Variants in EIPR1 observed in about 807,000 individuals in gnomAD.
EIPR1 encodes the protein EARP complex and GARP complex interacting protein 1.
EIPR1 carries 25 observed loss-of-function variants against 48.1 expected under a neutral mutation model. The observed-to-expected ratio is 0.52, with a 90% confidence interval of 0.38 to 0.73. EIPR1 has a LOEUF of 0.73. Ranked by LOEUF, EIPR1 falls within the 30% of genes least tolerant of loss-of-function variation. The probability of loss-of-function intolerance (pLI) is 0.00; values close to 1 mark genes in which losing one functional copy is unlikely to be tolerated. For synonymous variants in EIPR1, 204 were observed against 201.9 expected (o/e 1.01, Z -0.09); for missense variants, 415 against 506.2 (o/e 0.82, Z 1.73).
At chr2:3,340,231 G>A (rs1047248248) in intron 2 of EIPR1, among the ~76,000 whole-genome samples, 1 of 152,188 alleles carries the variant, frequency 6.6e-6, no homozygotes, top group East Asian at 1.9e-4. Context: ...GCTCAGAGTG[G>A]AATTCATACC....
intron 4 of EIPR1, among the ~76,000 whole-genome samples, chr2:3,232,710 C>T (rs1666280352): frequency 6.6e-6 from 1 of 152,104 alleles, no homozygotes; most frequent in Admixed American, 6.6e-5. Context: ...GAGCCGGTTC[C>T]CCCATGTTGA....
At chr2:3,330,774 C>T (rs996073953) in intron 3 of EIPR1, among the ~76,000 whole-genome samples, 1 of 150,944 alleles carries the variant, frequency 6.6e-6, no homozygotes, top group South Asian at 2.1e-4. Flanking sequence ...TGAGCAGAGG[C>T]AAGCGCATGT....
intron 2 of EIPR1, among the ~76,000 whole-genome samples, chr2:3,348,166 G>A (rs1484513709): frequency 1.3e-5 from 2 of 152,140 alleles, no homozygotes; most frequent in African/African-American, 2.4e-5. Context: ...GCAGAACCGC[G>A]CAGCTTAGCT....
At chr2:3,233,535 C>A (rs1666307335) in intron 4 of EIPR1, among the ~76,000 whole-genome samples, 1 of 152,198 alleles carries the variant, frequency 6.6e-6, no homozygotes, top group South Asian at 2.1e-4. Context: ...TGGATCCCAG[C>A]CGTAACTGTG....
intron 3 of EIPR1, among the ~76,000 whole-genome samples, chr2:3,305,067 T>C (rs1377177078): frequency 3.2e-5 from 4 of 126,854 alleles, no homozygotes; most frequent in African/African-American, 1.3e-4. Context: ...AACCCTCCAC[T>C]CCCGTCCAGT....
chr2:3,371,943 C>A (rs1409858195), intron 1 of EIPR1, among the ~76,000 whole-genome samples: 7 of 152,142 alleles, frequency 4.6e-5, no homozygotes, highest in Admixed American at 6.5e-5. Context: ...TTTTCAGCAC[C>A]ACGCCACACC....
chr2:3,198,326 G>A (rs989412521), intron 5 of EIPR1, among the ~76,000 whole-genome samples: 3 of 152,222 alleles, frequency 2.0e-5, no homozygotes, highest in African/African-American at 7.2e-5. Context: ...AATGGGCTGT[G>A]CGAGAGACTG....
chr2:3,217,994 G>C (rs1665696608), intron 4 of EIPR1, among the ~76,000 whole-genome samples: 2 of 152,168 alleles, frequency 1.3e-5, no homozygotes, highest in African/African-American at 4.8e-5. Context: ...ACACTCTAGA[G>C]TGTTCACACT....
At chr2:3,228,048 C>T (rs1666120842) in intron 4 of EIPR1, among the ~76,000 whole-genome samples, 1 of 152,258 alleles carries the variant, frequency 6.6e-6, no homozygotes, top group African/African-American at 2.4e-5. Context: ...CCCACTGGGG[C>T]ACAGCCTAGT....
chr2:3,354,016 T>G (rs1670655944), intron 2 of EIPR1, among the ~76,000 whole-genome samples: 1 of 152,168 alleles, frequency 6.6e-6, no homozygotes, highest in Non-Finnish European at 1.5e-5. Flanking sequence ...ATCCGTGTGC[T>G]CAAGGTCACG....
chr2:3,346,676 A>G (rs1670412021), intron 2 of EIPR1, among the ~76,000 whole-genome samples: 1 of 152,226 alleles, frequency 6.6e-6, no homozygotes, highest in African/African-American at 2.4e-5. Flanking sequence ...AAAGACAGAC[A>G]AGACTAGAGA....
At chr2:3,319,092 T>C (rs1669409871) in intron 3 of EIPR1, 1 of 383,360 alleles carries the variant, frequency 2.6e-6, no homozygotes, top group South Asian at 1.9e-5. Flanking sequence ...CATTGGCTTC[T>C]AAACTCCAGT....
intron 2 of EIPR1, among the ~76,000 whole-genome samples, chr2:3,339,329 G>A (rs573337370): frequency 4.6e-5 from 7 of 152,310 alleles, no homozygotes; most frequent in African/African-American, 1.7e-4. Flanking sequence ...GGGACTGACT[G>A]TGCCTGGCGC....
At chr2:3,197,383 C>T (rs745868881) in intron 5 of EIPR1, among the ~76,000 whole-genome samples, 2 of 152,230 alleles carry the variant, frequency 1.3e-5, no homozygotes, top group Non-Finnish European at 2.9e-5. Context: ...TCCACCTGAG[C>T]GGTTCCGGAA....
chr2:3,339,874 C>T (rs1489928163), intron 2 of EIPR1, among the ~76,000 whole-genome samples: 3 of 152,186 alleles, frequency 2.0e-5, no homozygotes, highest in South Asian at 2.1e-4. Context: ...GGCGTGAACC[C>T]GGGAGGCGGA....
chr2:3,235,967 A>G (rs1666392333), intron 4 of EIPR1, among the ~76,000 whole-genome samples: 1 of 152,156 alleles, frequency 6.6e-6, no homozygotes, highest in African/African-American at 2.4e-5. Context: ...TAGGTGGAGA[A>G]AAGTGGGTTT....
At chr2:3,277,697 T>A (rs1297687245) in intron 3 of EIPR1, among the ~76,000 whole-genome samples, 7 of 152,154 alleles carry the variant, frequency 4.6e-5, no homozygotes, top group Non-Finnish European at 1.0e-4. Context: ...TGAGTGGGGG[T>A]CCCTGCCAGG....
chr2:3,279,919 A>G (rs952820531), intron 3 of EIPR1, among the ~76,000 whole-genome samples: 2 of 152,256 alleles, frequency 1.3e-5, no homozygotes, highest in Non-Finnish European at 2.9e-5. Flanking sequence ...TCATCCTCTT[A>G]CTAGTCACCG....
rs886969629 is a variant in EIPR1 at position 3,194,578 on chromosome 2, A to T, written c.654-412T>A. On this transcript the variant is annotated intron_variant, in intron 6 of 8. Coordinates refer to ENST00000382125, the MANE Select transcript of EIPR1 (RefSeq NM_003310.5). ...CACAGTGAAGAAGGAAAAGAAAAAG[A>T]CAGGGAGTTGAGGTAGAATATAGTG... Among the ~76,000 whole-genome samples, 8 of 152,200 alleles carry T rather than the reference A, an allele frequency of 5.3e-5. No individual in the cohort carries two copies. The East Asian group carries it at 1.5e-3, about 29-fold the overall frequency.
Sources: gnomAD v4.1 joint callset for allele counts (sites outside exome capture counted in the v4.1 genomes callset) on GRCh38, gnomAD v4.1.1 for gene constraint, MANE v1.5 for transcripts, NCBI Gene and HGNC (gene_info 2026-07-23, HGNC 2026-07-21) for gene names.